Variants in NKAIN3 observed in about 807,000 individuals in gnomAD.
NKAIN3 encodes the protein sodium/potassium transporting ATPase interacting 3, also known as sodium/potassium-transporting ATPase subunit beta-1-interacting protein 3.
A neutral mutation model predicts 30.2 loss-of-function variants in NKAIN3; 25 were observed. That is an observed-to-expected ratio of 0.83 (90% CI 0.60 to 1.16). NKAIN3 has a LOEUF of 1.16. Among genes scored for constraint, NKAIN3 ranks in the 50% most tolerant of loss-of-function variants. The pLI, the probability that NKAIN3 is intolerant of heterozygous loss-of-function variation, is 0.00. For missense variants in NKAIN3, 225 were observed against 254.1 expected (o/e 0.89, Z 0.78); for synonymous variants, 91 against 89.6 (o/e 1.02, Z -0.09).
chr8:62,675,048 T>C (rs1030313511), intron 3 of NKAIN3, among the ~76,000 whole-genome samples: 1 of 152,082 alleles, frequency 6.6e-6, no homozygotes, highest in Non-Finnish European at 1.5e-5. Context: ...GCTCAGCTTT[T>C]GTCTGGGAGC....
intron 1 of NKAIN3, among the ~76,000 whole-genome samples, chr8:62,322,698 G>A (rs1348704301): frequency 2.6e-5 from 4 of 152,118 alleles, no homozygotes; most frequent in Non-Finnish European, 5.9e-5. Flanking sequence ...TCTTGTAAAA[G>A]TGAAAAAGGA....
chr8:62,866,090 T>A (rs1296456259), intron 4 of NKAIN3, among the ~76,000 whole-genome samples: 2 of 152,194 alleles, frequency 1.3e-5, no homozygotes, highest in African/African-American at 2.4e-5. Context: ...TGCATATTTT[T>A]AAAAGTATTT....
At chr8:62,267,636 T>G (rs571880415) in intron 1 of NKAIN3, among the ~76,000 whole-genome samples, 1 of 152,340 alleles carries the variant, frequency 6.6e-6, no homozygotes, top group East Asian at 1.9e-4. Context: ...CCCACAGTGC[T>G]TGTGTCCTGA....
At chr8:62,624,243 C>T (rs529550092) in intron 3 of NKAIN3, among the ~76,000 whole-genome samples, 4 of 152,146 alleles carry the variant, frequency 2.6e-5, no homozygotes, top group African/African-American at 9.6e-5. Flanking sequence ...TGCCAACCTC[C>T]TATCTCATCT....
chr8:62,807,863 T>G (rs1818353172), intron 4 of NKAIN3, among the ~76,000 whole-genome samples: 1 of 151,104 alleles, frequency 6.6e-6, no homozygotes, highest in Non-Finnish European at 1.5e-5. Flanking sequence ...TTTATAAAAA[T>G]GATTTATTGT....
intron 1 of NKAIN3, among the ~76,000 whole-genome samples, chr8:62,578,353 C>A (rs13439077): frequency 0.036 from 5,407 of 152,110 alleles, 261 homozygotes; most frequent in African/African-American, 0.12. Flanking sequence ...ATATAATAAA[C>A]TCTGGCATGT....
At chr8:62,509,245 A>G (rs1807741584) in intron 1 of NKAIN3, among the ~76,000 whole-genome samples, 1 of 152,046 alleles carries the variant, frequency 6.6e-6, no homozygotes, top group Non-Finnish European at 1.5e-5. Context: ...AAGGTATTAT[A>G]GAGACATTTC....
chr8:62,837,803 G>T (rs1156397264), intron 4 of NKAIN3, among the ~76,000 whole-genome samples: 1 of 151,994 alleles, frequency 6.6e-6, no homozygotes, highest in Non-Finnish European at 1.5e-5. Context: ...ACTAGAATTT[G>T]CAAAGGTGAT....
chr8:62,985,135 C>G (rs566611264), downstream of NKAIN3, among the ~76,000 whole-genome samples: 1 of 152,298 alleles, frequency 6.6e-6, no homozygotes, highest in Admixed American at 6.5e-5. Flanking sequence ...CAAGTGTACC[C>G]AGGTGATGCC....
intron 5 of NKAIN3, among the ~76,000 whole-genome samples, chr8:62,922,690 C>G (rs1391786007): frequency 6.6e-6 from 1 of 151,624 alleles, no homozygotes; most frequent in African/African-American, 2.4e-5. Context: ...TTCAAAGGAG[C>G]CACCACATTT....
intron 1 of NKAIN3, among the ~76,000 whole-genome samples, chr8:62,297,916 A>T (rs1813893194): frequency 6.6e-6 from 1 of 152,176 alleles, no homozygotes; most frequent in African/African-American, 2.4e-5. Flanking sequence ...AAGACTTGGA[A>T]CCAACCCAAA....
chr8:62,429,763 C>CA (rs1265232628), intron 1 of NKAIN3, among the ~76,000 whole-genome samples: 1 of 151,820 alleles, frequency 6.6e-6, no homozygotes, highest in Non-Finnish European at 1.5e-5. Context: ...TAGGATACTC[C>CA]AGTCTTTGTG....
chr8:62,514,889 C>T (rs1807933497), intron 1 of NKAIN3, among the ~76,000 whole-genome samples: 1 of 152,130 alleles, frequency 6.6e-6, no homozygotes, highest in Non-Finnish European at 1.5e-5. Context: ...ACCTTGATCT[C>T]ACTTTCCCTT....
At chr8:62,861,133 C>T (rs554766993) in intron 4 of NKAIN3, among the ~76,000 whole-genome samples, 7 of 152,258 alleles carry the variant, frequency 4.6e-5, no homozygotes, top group South Asian at 2.1e-4. Context: ...ATAGTTACTG[C>T]GGAGGGTTCT....
intron 4 of NKAIN3, among the ~76,000 whole-genome samples, chr8:62,901,802 A>T (rs914044907): frequency 2.0e-5 from 3 of 152,200 alleles, no homozygotes; most frequent in African/African-American, 7.2e-5. Context: ...CCTGAGAACT[A>T]TAAACTCCAT....
intron 1 of NKAIN3, among the ~76,000 whole-genome samples, chr8:62,260,647 C>T (rs571339023): frequency 1.5e-4 from 23 of 152,086 alleles, no homozygotes; most frequent in East Asian, 5.8e-4. Context: ...GGATGGTGAA[C>T]GGCCGATGCA....
At chr8:62,313,645 CA>C (rs1383881248) in intron 1 of NKAIN3, among the ~76,000 whole-genome samples, 1 of 152,024 alleles carries the variant, frequency 6.6e-6, no homozygotes, top group African/African-American at 2.4e-5. Context: ...GGGATGAATG[CA>C]AAACAGGTTT....
chr8:62,428,196 A>T (rs1220847502), intron 1 of NKAIN3, among the ~76,000 whole-genome samples: 1 of 151,870 alleles, frequency 6.6e-6, no homozygotes, highest in African/African-American at 2.4e-5. Flanking sequence ...CAGCTGAATG[A>T]TATTCCATTG....
chr8:62,789,062 C>A (rs951121433), intron 4 of NKAIN3, among the ~76,000 whole-genome samples: 1 of 151,960 alleles, frequency 6.6e-6, no homozygotes, highest in African/African-American at 2.4e-5. Flanking sequence ...TTTTCCAATT[C>A]TGTGAAGAAA....
Sources: allele counts gnomAD v4.1 joint callset (sites outside exome capture counted in the v4.1 genomes callset), GRCh38; gene constraint gnomAD v4.1.1; transcripts MANE v1.5; gene names NCBI Gene and HGNC (gene_info 2026-07-23, HGNC 2026-07-21).